The following CRACD variants were observed in gnomAD, a reference collection of about 807,000 sequenced individuals.
The protein encoded by CRACD is capping protein inhibiting regulator of actin dynamics.
In CRACD, 56 loss-of-function variants were observed where a neutral mutation model predicts 106.8. That is an observed-to-expected ratio of 0.52 (90% CI 0.42 to 0.66). The LOEUF is 0.66. Among genes scored for constraint, CRACD ranks in the 30% least tolerant of loss-of-function variants. CRACD has a pLI of 0.00. For missense variants in CRACD, 1,730 were observed against 1,623.2 expected, an observed-to-expected ratio of 1.07 and a Z score of -1.13; for synonymous variants, 754 against 670.8, an observed-to-expected ratio of 1.12 and a Z score of -1.92.
At position 56,314,806 on chromosome 4, in the gene CRACD, G is replaced by A. The variant is rs754519347; in HGVS notation, c.1304G>A (p.Arg435His). ...DFEERLEDQERLKPEGQREHS... is the reference protein window; with the variant it reads ...DFEERLEDQEHLKPEGQREHS... ...GAGGAGAGGCTCGAAGACCAGGAAC[G>A]CCTGAAACCCGAAGGACAAAGAGAA... The change falls in exon 8 of 11, where the codon CGC becomes CAC. Residue 435 changes from arginine (R) to histidine (H), a missense_variant. By Grantham distance (29) the Arg-to-His change is conservative (BLOSUM62 0). This residue lies in a region of CRACD where 1,620 missense variants were observed against 1,481.6 expected (regional missense o/e 1.09). Transcript: ENST00000682029. The surrounding 1 kb of genome is among the most constrained non-coding windows in gnomAD (Gnocchi z 4.4). The A allele has an allele frequency of 7.5e-6, 12 of 1,606,004 alleles. No homozygotes were observed. The highest frequency in any genetic ancestry group is 1.0e-5 in the Non-Finnish European group (12 of 1,177,420).
intron 3 of CRACD, among the ~76,000 whole-genome samples, chr4:56,274,621 G>A (rs1026195708): frequency 1.5e-4 from 23 of 152,106 alleles, no homozygotes; most frequent in African/African-American, 3.9e-4. Context: ...ACCTGTCCTC[G>A]TTATTGACTC....
At chr4:56,269,935 C>A (rs542013034) in intron 2 of CRACD, among the ~76,000 whole-genome samples, 38 of 152,288 alleles carry the variant, frequency 2.5e-4, no homozygotes, top group Middle Eastern at 3.4e-3. Flanking sequence ...TCCTGTCTTT[C>A]AAATAATACA....
chr4:56,076,356 G>A (rs1228420407), intron 1 of CRACD, among the ~76,000 whole-genome samples: 1 of 152,058 alleles, frequency 6.6e-6, no homozygotes, highest in Non-Finnish European at 1.5e-5. Context: ...CGAATACAGG[G>A]GTGATATAGA....
At chr4:56,058,806 A>G (rs1053143712) in intron 1 of CRACD, among the ~76,000 whole-genome samples, 1 of 152,142 alleles carries the variant, frequency 6.6e-6, no homozygotes, top group Non-Finnish European at 1.5e-5. Context: ...TGGCTCATGC[A>G]GTGTCCCAAG....
chr4:56,127,622 T>A (rs1200057952), intron 1 of CRACD, among the ~76,000 whole-genome samples: 1 of 152,218 alleles, frequency 6.6e-6, no homozygotes, highest in Non-Finnish European at 1.5e-5. Context: ...TAATAGATTA[T>A]AGAATTTTCT....
chr4:56,286,264 G>A (rs898040615), intron 3 of CRACD, among the ~76,000 whole-genome samples: 6 of 151,862 alleles, frequency 4.0e-5, no homozygotes, highest in East Asian at 2.0e-4. Context: ...GTGGTGGCAC[G>A]CGCCTGTAAT....
intron 1 of CRACD, among the ~76,000 whole-genome samples, chr4:56,153,650 C>T (rs1369422662): frequency 6.6e-6 from 1 of 152,206 alleles, no homozygotes; most frequent in Non-Finnish European, 1.5e-5. Context: ...TCTGCAATGC[C>T]TTGTAATTCC....
At chr4:56,167,862 C>T (rs80263763) in intron 1 of CRACD, among the ~76,000 whole-genome samples, 3 of 152,116 alleles carry the variant, frequency 2.0e-5, no homozygotes, top group African/African-American at 7.2e-5. Flanking sequence ...CATGGATGAA[C>T]CTTGAGGAAA....
At chr4:56,277,379 G>A (rs1041738992) in intron 3 of CRACD, among the ~76,000 whole-genome samples, 3 of 150,642 alleles carry the variant, frequency 2.0e-5, no homozygotes, top group Non-Finnish European at 4.4e-5. Flanking sequence ...ATAAAATAAA[G>A]GATAAAAACC....
intron 2 of CRACD, among the ~76,000 whole-genome samples, chr4:56,240,101 A>T (rs1424978807): frequency 6.6e-6 from 1 of 152,120 alleles, no homozygotes; most frequent in Non-Finnish European, 1.5e-5. Flanking sequence ...GATAATACAG[A>T]GCTATAAGAC....
chr4:56,209,039 A>G (rs1165311368), intron 2 of CRACD, among the ~76,000 whole-genome samples: 1 of 152,178 alleles, frequency 6.6e-6, no homozygotes, highest in Admixed American at 6.5e-5. Context: ...TGCTATCACT[A>G]TTAACACTAT....
chr4:56,174,471 T>C (rs996668871), intron 1 of CRACD, among the ~76,000 whole-genome samples: 4 of 152,240 alleles, frequency 2.6e-5, no homozygotes, highest in Non-Finnish European at 2.9e-5. Flanking sequence ...CTCTGGTAAC[T>C]ATCATTCTAC....
chr4:56,187,724 C>T (rs550774543), intron 2 of CRACD, among the ~76,000 whole-genome samples: 11 of 151,802 alleles, frequency 7.2e-5, no homozygotes, highest in Admixed American at 4.6e-4. Flanking sequence ...GCCAAGATTT[C>T]GTTCCCATGA....
intron 1 of CRACD, among the ~76,000 whole-genome samples, chr4:56,073,135 T>C (rs1237449782): frequency 6.6e-6 from 1 of 152,188 alleles, no homozygotes; most frequent in African/African-American, 2.4e-5. Context: ...ATGGGATGGC[T>C]GGGTCAAATG....
intron 2 of CRACD, among the ~76,000 whole-genome samples, chr4:56,250,270 A>G (rs1740974366): frequency 6.6e-6 from 1 of 152,074 alleles, no homozygotes; most frequent in Non-Finnish European, 1.5e-5. Context: ...AATTTTAAAA[A>G]TTTCTTTTTT....
intron 3 of CRACD, chr4:56,288,404 C>T (rs1167139577): frequency 1.8e-5 from 4 of 221,586 alleles, no homozygotes; most frequent in Non-Finnish European, 3.7e-5. Flanking sequence ...CCCTCCCTCT[C>T]TCCTATTGGA....
rs1312887089 is a variant in CRACD at position 56,069,985 on chromosome 4, A to G, written c.-336+20686A>G. Reference sequence around the variant, plus strand: ...CTGTAATTATTATTGGTTAATAGCTATTTCCTAATCCTAAATTTTCAATGT... The same window carrying G: ...CTGTAATTATTATTGGTTAATAGCTGTTTCCTAATCCTAAATTTTCAATGT... On this transcript the variant is annotated intron_variant, in intron 1 of 10. Coordinates refer to ENST00000682029, the MANE Select transcript of CRACD (RefSeq NM_001393381.1). 2.0e-5 allele frequency among the ~76,000 whole-genome samples: 3 copies of G among 152,350 alleles called. No homozygotes were observed. In the East Asian group the frequency reaches 5.8e-4, roughly 29 times the overall value.
chr4:56,275,964 A>G (rs1012217811), intron 3 of CRACD, among the ~76,000 whole-genome samples: 5 of 152,170 alleles, frequency 3.3e-5, no homozygotes, highest in African/African-American at 1.2e-4. Context: ...CATCCTGTCA[A>G]ACTCCCAAGA....
intron 1 of CRACD, among the ~76,000 whole-genome samples, chr4:56,156,067 G>A (rs914923305): frequency 5.8e-4 from 89 of 152,276 alleles, no homozygotes; most frequent in African/African-American, 2.1e-3. Flanking sequence ...GGGTTCAGGC[G>A]ATTCTCATGC....
Sources: allele counts gnomAD v4.1 joint callset (sites outside exome capture counted in the v4.1 genomes callset), GRCh38; gene constraint gnomAD v4.1.1; regional missense constraint gnomAD v4.1.1; non-coding constraint Gnocchi (gnomAD v3.1); transcripts MANE v1.5; gene names NCBI Gene and HGNC (gene_info 2026-07-23, HGNC 2026-07-21).